The following ERCC6 variants were observed in gnomAD, a reference collection of about 807,000 sequenced individuals.
The protein encoded by ERCC6 is ERCC excision repair 6, chromatin remodeling factor.
ERCC6 carries 116 observed loss-of-function variants against 158.7 expected under a neutral mutation model. The ratio of observed to expected loss-of-function variants is 0.73; its 90% CI spans 0.63 to 0.85. The LOEUF is 0.85. Ranked by LOEUF, ERCC6 falls within the 40% of genes least tolerant of loss-of-function variation. The pLI is 0.00. For synonymous variants in ERCC6, 678 were observed against 659.3 expected, an observed-to-expected ratio of 1.03 and a Z score of -0.43; for missense variants, 1,698 against 1,799.4, an observed-to-expected ratio of 0.94 and a Z score of 1.02.
intron 18 of ERCC6, 62 bp from the exon 19 acceptor site, chr10:49,461,618 C>A: frequency 6.6e-7 from 1 of 1,512,870 alleles, no homozygotes; most frequent in South Asian, 1.2e-5. Context: ...ACACTTTTCT[C>A]CTCTGTATAA....
intron 8 of ERCC6, among the ~76,000 whole-genome samples, chr10:49,491,782 T>C (rs1310589241): frequency 6.6e-6 from 1 of 152,154 alleles, no homozygotes; most frequent in Non-Finnish European, 1.5e-5. Flanking sequence ...AAATTGCCTT[T>C]ATAAGACAAA....
chr10:49,486,166 C>T (rs915439024), intron 8 of ERCC6, among the ~76,000 whole-genome samples: 2 of 152,158 alleles, frequency 1.3e-5, no homozygotes, highest in African/African-American at 4.8e-5. Context: ...GCCCTTAGAG[C>T]TGTCAAAATG....
intron 8 of ERCC6, among the ~76,000 whole-genome samples, chr10:49,483,815 C>A (rs1421337332): frequency 2.6e-5 from 4 of 151,220 alleles, no homozygotes; most frequent in South Asian, 2.1e-4. Flanking sequence ...TCCTTTGTGT[C>A]CATTCTTGTC....
intron 5 of ERCC6, among the ~76,000 whole-genome samples, chr10:49,510,391 G>C (rs997775300): frequency 1.3e-5 from 2 of 152,208 alleles, no homozygotes; most frequent in Non-Finnish European, 2.9e-5. Context: ...CTGCATTCCT[G>C]TACTGTCCCC....
intron 4 of ERCC6, chr10:49,525,327 C>G (rs1837289059): frequency 6.2e-6 from 1 of 160,932 alleles, no homozygotes; most frequent in Non-Finnish European, 1.4e-5. Context: ...GTTAAAAACT[C>G]AGTTCCACAG....
intron 5 of ERCC6, chr10:49,516,083 A>G (rs1836950476): frequency 1.2e-6 from 2 of 1,614,202 alleles, no homozygotes; most frequent in Non-Finnish European, 1.7e-6. Context: ...GGTATTGTCC[A>G]GGGTGTGCCT....
intron 11 of ERCC6, among the ~76,000 whole-genome samples, chr10:49,477,070 C>T (rs994157580): frequency 6.6e-6 from 1 of 152,152 alleles, no homozygotes; most frequent in South Asian, 2.1e-4. Flanking sequence ...GGGTCCTCTA[C>T]GCATGCCCGC....
At chr10:49,507,282 C>G (rs1398261208) in intron 5 of ERCC6, among the ~76,000 whole-genome samples, 1 of 152,078 alleles carries the variant, frequency 6.6e-6, no homozygotes, top group Admixed American at 6.6e-5. Context: ...TCAACAAGAA[C>G]TGGTTATCTG....
chr10:49,451,776 CCCT>C (rs1850422518), downstream of ERCC6, among the ~76,000 whole-genome samples: 1 of 152,134 alleles, frequency 6.6e-6, no homozygotes, highest in Non-Finnish European at 1.5e-5. Context: ...GGGAAGTACT[CCCT>C]CCTATTTCTT....
At chr10:49,493,388 T>C (rs1851210671) in intron 7 of ERCC6, 136 bp from the exon 8 acceptor site, 1 of 1,138,624 alleles carries the variant, frequency 8.8e-7, no homozygotes, top group East Asian at 2.6e-5. Context: ...TTTATTGATA[T>C]TTTCTTTAAG....
chr10:49,490,927 G>A (rs1160470580), intron 8 of ERCC6, among the ~76,000 whole-genome samples: 1 of 152,196 alleles, frequency 6.6e-6, no homozygotes, highest in Non-Finnish European at 1.5e-5. Flanking sequence ...GGCATTAGAC[G>A]CTGAGTTAGA....
In ERCC6 at chr10:49,526,928, T is replaced by C. The variant is rs148671589; in HGVS notation, c.652+1489A>G. On this transcript the variant is annotated intron_variant, in intron 4 of 20. Transcript: ENST00000355832. The stretch of plus-strand genomic sequence containing the variant: ...GGCTGCAAAAGCCATGGGGAATAGA[T>C]AACCAGGGAGAGGCAGTAGAACAAG... Among the ~76,000 whole-genome samples, 273 of 152,258 alleles carry C rather than the reference T, an allele frequency of 1.8e-3. 1 individual carries two copies. The highest frequency in any genetic ancestry group is 6.0e-3 in the African/African-American group (249 of 41,540).
downstream of ERCC6, among the ~76,000 whole-genome samples, chr10:49,453,676 TAAC>T (rs1228126086): frequency 6.6e-6 from 1 of 152,212 alleles, no homozygotes; most frequent in Non-Finnish European, 1.5e-5. Flanking sequence ...GCAGGTTGGT[TAAC>T]AACAATTTTT....
upstream of ERCC6, among the ~76,000 whole-genome samples, chr10:49,539,244 G>A (rs1247259755): frequency 2.6e-5 from 4 of 152,274 alleles, no homozygotes; most frequent in Non-Finnish European, 5.9e-5. Flanking sequence ...TCCGCTGCCG[G>A]TCAGCTGGGT....
intron 2 of ERCC6, among the ~76,000 whole-genome samples, chr10:49,531,285 A>G (rs979780847): frequency 3.9e-5 from 6 of 152,250 alleles, no homozygotes; most frequent in African/African-American, 1.4e-4. Flanking sequence ...CATCTGCGAC[A>G]ATATTTTTCT....
intron 10 of ERCC6, among the ~76,000 whole-genome samples, chr10:49,481,097 G>A (rs1850970940): frequency 6.6e-6 from 1 of 152,158 alleles, no homozygotes; most frequent in South Asian, 2.1e-4. Context: ...TGGAGAAAGG[G>A]GCATCAGATC....
At chr10:49,463,257 G>T (rs1035652369) in intron 18 of ERCC6, among the ~76,000 whole-genome samples, 1 of 152,178 alleles carries the variant, frequency 6.6e-6, no homozygotes, top group African/African-American at 2.4e-5. Context: ...TCAATTTTGT[G>T]CAGGAAACAA....
rs1407167016 is a variant in ERCC6 at position 49,471,123 on chromosome 10, A to G, written c.2925-3T>C. 6.2e-7 allele frequency: 1 copy of G among 1,613,388 alleles called. No individual in the cohort carries two copies. The highest frequency in any genetic ancestry group is 1.7e-5 in the Admixed American group (1 of 60,016). On this transcript the variant is annotated splice_region_variant and splice_polypyrimidine_tract_variant and intron_variant, in intron 16 of 20. Coordinates refer to ENST00000355832, the MANE Select transcript of ERCC6 (RefSeq NM_000124.4). ...TCAAAAACTGCTTGAAGATTTGTCT[A>G]AAAAAATAAAAGATAAGCTGGTATA...
Position 49,482,944 on chromosome 10 carries a change from A to G in ERCC6, c.1993-81T>C. 2.1e-6 allele frequency: 3 copies of G among 1,409,928 alleles called. No homozygotes were observed. The South Asian group carries it at 3.5e-5, about 17-fold the overall frequency. 87.3% of individuals were successfully genotyped at this position (1,409,928 alleles called of 1,614,324 possible). A position where few individuals can be genotyped will look rare whatever the true frequency, so the allele number is the denominator to read the frequency against. ...TCCTACCCTAAAACGCTCCTCTGCA[A>G]ATTATTTACACATTTACTCATCATT... On this transcript the variant is annotated intron_variant, in intron 9 of 20. Coordinates refer to ENST00000355832, the MANE Select transcript of ERCC6 (RefSeq NM_000124.4).
Sources: gnomAD v4.1 joint callset for allele counts (sites outside exome capture counted in the v4.1 genomes callset) on GRCh38, gnomAD v4.1.1 for gene constraint, MANE v1.5 for transcripts, NCBI Gene and HGNC (gene_info 2026-07-23, HGNC 2026-07-21) for gene names.